OGDH: variants seen among roughly 807,000 people sequenced by gnomAD.
The protein encoded by OGDH is oxoglutarate dehydrogenase, also known as 2-oxoglutarate dehydrogenase complex component E1.
A neutral mutation model predicts 116.6 loss-of-function variants in OGDH; 38 were observed. That is an observed-to-expected ratio of 0.33 (90% CI 0.25 to 0.43). The LOEUF (loss-of-function observed/expected upper bound fraction) is 0.43. Ranked by LOEUF, OGDH falls within the 20% of genes least tolerant of loss-of-function variation. OGDH has a pLI of 1.00. For synonymous variants in OGDH, 488 were observed against 533.3 expected (o/e 0.92, Z 1.17); for missense variants, 825 against 1,357.2 (o/e 0.61, Z 6.16).
intron 5 of OGDH, among the ~76,000 whole-genome samples, chr7:44,673,404 A>G (rs1037590100): frequency 3.9e-5 from 6 of 152,248 alleles, no homozygotes; most frequent in African/African-American, 1.4e-4. Context: ...ATTTCCTGTC[A>G]TGGGTGCTGG....
chr7:44,694,064 T>A lies in OGDH; in HGVS notation c.1515+60T>A. On this transcript the variant is annotated intron_variant, in intron 11 of 22. Transcript: ENST00000222673. This position sits in a 1 kb window ranked among gnomAD's most constrained non-coding sequence, Gnocchi z 4.2. ...AGCATCTGACCCACCCCTCTTGCCC[T>A]CGGCACCCCTGTGTCCCAAGGAGAG... The A allele has an allele frequency of 6.6e-7, 1 of 1,524,532 alleles. No homozygotes were observed. The highest frequency in any genetic ancestry group is 8.9e-7 in the Non-Finnish European group (1 of 1,123,442). 94.4% of individuals were successfully genotyped at this position (1,524,532 alleles called of 1,614,324 possible).
At chr7:44,642,267 T>TA (rs1264139919) in intron 2 of OGDH, among the ~76,000 whole-genome samples, 1 of 151,904 alleles carries the variant, frequency 6.6e-6, no homozygotes, top group African/African-American at 2.4e-5. Flanking sequence ...AAATATTTAG[T>TA]AAAAAAATTA....
chr7:44,683,958 A>G (rs1257416621), intron 10 of OGDH, among the ~76,000 whole-genome samples: 1 of 152,216 alleles, frequency 6.6e-6, no homozygotes, highest in Non-Finnish European at 1.5e-5. Context: ...CACAGACCTT[A>G]TAGTTTAGTG....
Position 44,707,813 on chromosome 7 carries a change from G to C in OGDH, c.2952-66G>C. 1 of 1,609,284 alleles carries C rather than the reference G, an allele frequency of 6.2e-7. No homozygotes were observed. Among genetic ancestry groups the C allele is most frequent in the Non-Finnish European group, 8.5e-7 (1 of 1,177,268 alleles). The stretch of plus-strand genomic sequence containing the variant: ...GTAGGCAGTTAGCCAGGCACATGCA[G>C]CAGAGGGATGGGCTGGGCCAACTCA... On this transcript the variant is annotated intron_variant, in intron 22 of 22. Coordinates refer to ENST00000222673, the MANE Select transcript of OGDH (RefSeq NM_002541.4). This position sits in a 1 kb window ranked among gnomAD's most constrained non-coding sequence, Gnocchi z 5.2.
Position 44,707,592 on chromosome 7 carries a change from T to C in OGDH, c.2807T>C (p.Phe936Ser). Residue 936 changes from phenylalanine to serine, a missense_variant, in exon 22 of 23, where the codon TTC becomes TCC. This residue lies in a region of OGDH where 212 missense variants were observed against 284.3 expected (regional missense o/e 0.75). Transcript: ENST00000222673. This position sits in a 1 kb window ranked among gnomAD's most constrained non-coding sequence, Gnocchi z 5.2. ...AITRIEQLSP[F>S]PFDLLLKEVQ... Reference sequence around the variant, plus strand: ...CCTGCTGTCTCCTAGCTGTCGCCATTCCCCTTTGACCTCCTGCTGAAGGAG... The same window carrying C: ...CCTGCTGTCTCCTAGCTGTCGCCATCCCCCTTTGACCTCCTGCTGAAGGAG... 1 of 1,613,926 alleles carries C rather than the reference T, an allele frequency of 6.2e-7. No homozygotes were observed. The highest frequency in any genetic ancestry group is 8.5e-7 in the Non-Finnish European group (1 of 1,180,026).
chr7:44,611,503 C>CTGA (rs1489717833), intron 1 of OGDH, among the ~76,000 whole-genome samples: 1 of 152,018 alleles, frequency 6.6e-6, no homozygotes, highest in Non-Finnish European at 1.5e-5. Flanking sequence ...TCTCGATCTC[C>CTGA]TGACCTCGTG....
At chr7:44,675,917 G>A in intron 8 of OGDH, 53 bp from the exon 9 acceptor site, 1 of 1,564,084 alleles carries the variant, frequency 6.4e-7, no homozygotes, top group Non-Finnish European at 8.8e-7. Flanking sequence ...GGGCTCTTTT[G>A]GAGACTGAGC....
intron 1 of OGDH, among the ~76,000 whole-genome samples, chr7:44,610,056 T>C (rs1784502641): frequency 6.6e-6 from 1 of 152,038 alleles, no homozygotes; most frequent in Admixed American, 6.6e-5. Flanking sequence ...GATCAAGTGA[T>C]CCTCCTGTCT....
intron 4 of OGDH, among the ~76,000 whole-genome samples, chr7:44,661,446 T>C (rs1366595425): frequency 6.6e-6 from 1 of 152,200 alleles, no homozygotes; most frequent in Admixed American, 6.5e-5. Flanking sequence ...AGGTCATTTA[T>C]ATTTAATGTA....
chr7:44,703,094 T>G (rs941355212), intron 20 of OGDH, among the ~76,000 whole-genome samples: 1 of 152,146 alleles, frequency 6.6e-6, no homozygotes, highest in Non-Finnish European at 1.5e-5. Flanking sequence ...ATCCATGTTG[T>G]GTAGCATGTG....
At chr7:44,673,741 G>A in intron 5 of OGDH, 46 bp from the exon 6 acceptor site, 1 of 1,604,926 alleles carries the variant, frequency 6.2e-7, no homozygotes, top group African/African-American at 1.3e-5. Context: ...CATTCAGCCA[G>A]GCCTGGTTAG....
At chr7:44,628,872 G>A (rs528556704) in intron 2 of OGDH, among the ~76,000 whole-genome samples, 1 of 152,110 alleles carries the variant, frequency 6.6e-6, no homozygotes, top group Non-Finnish European at 1.5e-5. Context: ...CCCCAGAACA[G>A]AATCCGGTTA....
chr7:44,688,153 C>G (rs1221474429), intron 10 of OGDH, among the ~76,000 whole-genome samples: 1 of 151,938 alleles, frequency 6.6e-6, no homozygotes, highest in Non-Finnish European at 1.5e-5. Flanking sequence ...GGTGGATCAT[C>G]TGAGGTCAGG....
intron 1 of OGDH, among the ~76,000 whole-genome samples, chr7:44,611,132 G>T (rs2117210190): frequency 6.8e-6 from 1 of 148,054 alleles, no homozygotes; most frequent in African/African-American, 2.5e-5. Flanking sequence ...CTGGAGTGCA[G>T]TGGCATGATC....
chr7:44,678,970 T>C (rs1330497423), intron 9 of OGDH, among the ~76,000 whole-genome samples: 2 of 152,190 alleles, frequency 1.3e-5, no homozygotes, highest in Non-Finnish European at 2.9e-5. Context: ...GGGATCTTTG[T>C]TCATGAAAGC....
chr7:44,705,046 A>ATTTTTTTTTTTTTTTTTTTT (rs1585406047), intron 20 of OGDH, among the ~76,000 whole-genome samples: 2 of 87,684 alleles, frequency 2.3e-5, no homozygotes, highest in Admixed American at 1.1e-4. Context: ...AAAGTTTTTA[A>ATTTTTTTTTTTTTTTTTTTT]TTTTCTTTTT....
Position 44,697,704 on chromosome 7 carries a change from G to A in OGDH, c.2280G>A (p.Gln760=). ...FHNTAQCIID[Q]FICPGQAKWV... ...ACACGGCCCAGTGTATCATCGACCA[G>A]TTCATCTGCCCGGGACAAGCCAAGT... Residue 760 remains glutamine, a synonymous_variant, in exon 17 of 23, where the codon CAG becomes CAA. Transcript: ENST00000222673. The surrounding 1 kb of genome is among the most constrained non-coding windows in gnomAD (Gnocchi z 6.0). The A allele has an allele frequency of 6.2e-7, 1 of 1,614,228 alleles. No individual in the cohort carries two copies. Among genetic ancestry groups the A allele is most frequent in the Non-Finnish European group, 8.5e-7 (1 of 1,180,038 alleles).
intron 1 of OGDH, among the ~76,000 whole-genome samples, chr7:44,621,551 G>C (rs1448754422): frequency 1.3e-5 from 2 of 152,280 alleles, no homozygotes; most frequent in South Asian, 2.1e-4. Context: ...CTGAAGGGCA[G>C]CTCTTCCCGT....
chr7:44,649,389 A>G (rs1786336427), intron 4 of OGDH, among the ~76,000 whole-genome samples: 1 of 151,322 alleles, frequency 6.6e-6, no homozygotes, highest in African/African-American at 2.4e-5. Flanking sequence ...AGCTGGGACT[A>G]CAGGAGCGCA....
Sources: gnomAD v4.1 joint callset for allele counts (sites outside exome capture counted in the v4.1 genomes callset) on GRCh38, gnomAD v4.1.1 for gene constraint, gnomAD v4.1.1 regional missense constraint, Gnocchi (gnomAD v3.1) non-coding constraint, MANE v1.5 for transcripts, NCBI Gene and HGNC (gene_info 2026-07-23, HGNC 2026-07-21) for gene names.